FAM120C: variants seen among roughly 807,000 people sequenced by gnomAD.
FAM120C encodes constitutive coactivator of PPAR-gamma-like protein 2.
A neutral mutation model predicts 71.2 loss-of-function variants in FAM120C; 14 were observed. That is an observed-to-expected ratio of 0.20 (90% CI 0.13 to 0.31). The LOEUF (loss-of-function observed/expected upper bound fraction) is 0.31. FAM120C is among the 10% of genes least tolerant of loss of function. The pLI, the probability that FAM120C is intolerant of heterozygous loss-of-function variation, is 1.00. For synonymous variants in FAM120C, 354 were observed against 353.2 expected (o/e 1.00, Z -0.03); for missense variants, 500 against 879.0 (o/e 0.57, Z 5.45).
At position 54,115,806 on chromosome X, in the gene FAM120C, C is replaced by T. The variant is rs782596135; in HGVS notation, c.2312+739G>A. 9.9e-5 allele frequency among the ~76,000 whole-genome samples: 11 copies of T among 111,608 alleles called. No homozygotes were observed. In the South Asian group the frequency reaches 4.1e-3, roughly 42 times the overall value. ...TATTGAGTGAAAAAAAGAAACAGGC[C>T]GGGCGGGGTGGCTCATGCCTGTAAT... On this transcript the variant is annotated intron_variant, in intron 10 of 15. Transcript: ENST00000375180.
intron 1 of FAM120C, among the ~76,000 whole-genome samples, chrX:54,171,290 A>G (rs2067286648): frequency 9.0e-6 from 1 of 111,110 alleles, no homozygotes; most frequent in Admixed American, 9.6e-5. Flanking sequence ...ACATGCCAGT[A>G]GTCCTAGCTA....
Position 54,068,349 on chromosome X carries a change from A to G in FAM120C, c.*4684T>C, listed in dbSNP as rs1355778583. 1.8e-5 allele frequency: 2 copies of G among 112,134 alleles called. No homozygotes were observed. Among genetic ancestry groups the G allele is most frequent in the African/African-American group, 6.5e-5 (2 of 30,936 alleles). 9.2% of individuals were successfully genotyped at this position (112,134 alleles called of 1,213,427 possible). A position where few individuals can be genotyped will look rare whatever the true frequency, so the allele number is the denominator to read the frequency against. Reference sequence around the variant, plus strand: ...TTATTTCACAATTTTTTTTACTAAAAGAATAGATTTTTATTAAGCGTTGTA... The same window carrying G: ...TTATTTCACAATTTTTTTTACTAAAGGAATAGATTTTTATTAAGCGTTGTA... On this transcript the variant is annotated 3_prime_UTR_variant, in exon 16 of 16. Transcript: ENST00000375180.
At chrX:54,117,660 C>T (rs1484698347) in intron 9 of FAM120C, among the ~76,000 whole-genome samples, 7 of 106,040 alleles carry the variant, frequency 6.6e-5, no homozygotes, top group African/African-American at 1.4e-4. Context: ...ATCAAGTCAC[C>T]GCACTGCAGC....
At chrX:54,146,161 G>C (rs1557132353) in intron 4 of FAM120C, among the ~76,000 whole-genome samples, 1 of 109,318 alleles carries the variant, frequency 9.1e-6, no homozygotes, top group Non-Finnish European at 1.9e-5. Flanking sequence ...CTCTCGTGGG[G>C]TGGGGGAAGG....
chrX:54,084,714 C>A (rs1275565965), intron 13 of FAM120C, among the ~76,000 whole-genome samples: 2 of 92,361 alleles, frequency 2.2e-5, no homozygotes, highest in African/African-American at 8.0e-5. Flanking sequence ...GACCAGGCCT[C>A]AAAAAAAAAA....
chrX:54,126,106 T>C (rs1230988241), intron 9 of FAM120C, among the ~76,000 whole-genome samples: 1 of 112,086 alleles, frequency 8.9e-6, no homozygotes, highest in Non-Finnish European at 1.9e-5. Context: ...AGTTTTGTTG[T>C]AGATTCCTTG....
At chrX:54,176,104 C>G (rs144168459) in intron 1 of FAM120C, among the ~76,000 whole-genome samples, 1 of 111,419 alleles carries the variant, frequency 9.0e-6, no homozygotes, top group Non-Finnish European at 1.9e-5. Context: ...CTACACTGAG[C>G]CTGTTTTTTT....
intron 1 of FAM120C, among the ~76,000 whole-genome samples, chrX:54,180,675 CAT>C (rs1361351751): frequency 1.8e-5 from 2 of 111,980 alleles, no homozygotes; most frequent in Non-Finnish European, 3.8e-5. Flanking sequence ...AGGAAGACCA[CAT>C]AGGCACAAAT....
intron 15 of FAM120C, among the ~76,000 whole-genome samples, chrX:54,074,435 T>C (rs782337675): frequency 8.9e-6 from 1 of 112,908 alleles, no homozygotes; most frequent in East Asian, 2.8e-4. Context: ...CTTTTCTTTT[T>C]GAGACAGAGT....
At chrX:54,172,907 T>C (rs1394095981) in intron 1 of FAM120C, among the ~76,000 whole-genome samples, 1 of 112,492 alleles carries the variant, frequency 8.9e-6, no homozygotes, top group African/African-American at 3.2e-5. Context: ...ATGGAGTTTT[T>C]AATCTGTTGT....
intron 1 of FAM120C, among the ~76,000 whole-genome samples, chrX:54,161,912 G>A (rs908100859): frequency 8.9e-5 from 10 of 112,794 alleles, no homozygotes; most frequent in African/African-American, 3.2e-5. Context: ...GATTACAGGC[G>A]TGAGCCACTG....
At chrX:54,081,568 T>A (rs2066765354) in intron 13 of FAM120C, 108 bp from the exon 14 acceptor site, 1 of 844,090 alleles carries the variant, frequency 1.2e-6, no homozygotes, top group Admixed American at 3.5e-5. Context: ...AGTCAGGAGT[T>A]CCAGAGCCAG....
At position 54,073,128 on chromosome X, in the gene FAM120C, T is replaced by G. The variant is rs781941323; in HGVS notation, c.3196A>C (p.Asn1066His). 5.0e-6 allele frequency: 6 copies of G among 1,209,664 alleles called. No homozygotes were observed. Among genetic ancestry groups the G allele is most frequent in the East Asian group, 5.9e-5 (2 of 33,760 alleles). Reference protein sequence around the residue: ...CALSRDSNECNNGNRYLPMNN... With the variant: ...CALSRDSNECHNGNRYLPMNN... Reference sequence around the variant, plus strand: ...ATAGGGAGGTAGCGGTTACCATTATTACACTCATTGCTGTCTCTGGATAAG... The same window carrying G: ...ATAGGGAGGTAGCGGTTACCATTATGACACTCATTGCTGTCTCTGGATAAG... Residue 1066 changes from asparagine (N) to histidine (H), a missense_variant, in exon 16 of 16, where the codon AAT becomes CAT. Physicochemically the swap from Asn to His is moderately conservative, Grantham distance 68. Coordinates refer to ENST00000375180, the MANE Select transcript of FAM120C (RefSeq NM_017848.6).
chrX:54,129,244 G>A (rs1433268243), intron 9 of FAM120C, among the ~76,000 whole-genome samples: 2 of 108,602 alleles, frequency 1.8e-5, no homozygotes, highest in African/African-American at 6.7e-5. Flanking sequence ...GCCGGGCGGA[G>A]GGGCTCCTCA....
intron 1 of FAM120C, among the ~76,000 whole-genome samples, chrX:54,168,841 ACT>A (rs1303818005): frequency 8.9e-6 from 1 of 111,927 alleles, no homozygotes; most frequent in Admixed American, 9.5e-5. Context: ...TATCCTTCTA[ACT>A]CTGTAAAATG....
chrX:54,117,497 C>G (rs782428570), intron 9 of FAM120C, among the ~76,000 whole-genome samples: 1 of 107,004 alleles, frequency 9.3e-6, no homozygotes, highest in African/African-American at 3.4e-5. Flanking sequence ...GAGTTCAAGA[C>G]CAGCCTGGCC....
rs2066716456 is a variant in FAM120C at position 54,072,685 on chromosome X, G to T, written c.*348C>A. 2 of 148,475 alleles carry T rather than the reference G, an allele frequency of 1.3e-5. No homozygotes were observed. Among genetic ancestry groups the T allele is most frequent in the Non-Finnish European group, 2.6e-5 (2 of 77,726 alleles). 12.2% of individuals were successfully genotyped at this position (148,475 alleles called of 1,213,427 possible). A position where few individuals can be genotyped will look rare whatever the true frequency, so the allele number is the denominator to read the frequency against. Reference sequence around the variant, plus strand: ...TAAATGCTCAGAAAAACCAAAGCTAGAGCTTTTCTATAGGACCTTATGTGA... The same window carrying T: ...TAAATGCTCAGAAAAACCAAAGCTATAGCTTTTCTATAGGACCTTATGTGA... On this transcript the variant is annotated 3_prime_UTR_variant, in exon 16 of 16. Coordinates refer to ENST00000375180, the MANE Select transcript of FAM120C (RefSeq NM_017848.6).
chrX:54,100,678 A>C (rs1039869281), intron 10 of FAM120C, among the ~76,000 whole-genome samples: 5 of 111,736 alleles, frequency 4.5e-5, no homozygotes, highest in Non-Finnish European at 9.4e-5. Context: ...CAAACAAAAA[A>C]CACACACATA....
chrX:54,100,656 AAAAC>A (rs782439578), intron 10 of FAM120C, among the ~76,000 whole-genome samples: 137 of 111,900 alleles, frequency 1.2e-3, no homozygotes, highest in Non-Finnish European at 2.3e-3. Context: ...ACTCTGTCTT[AAAAC>A]AAACAAACAA....
Sources: gnomAD v4.1 joint callset for allele counts (sites outside exome capture counted in the v4.1 genomes callset) on GRCh38, gnomAD v4.1.1 for gene constraint, MANE v1.5 for transcripts, NCBI Gene and HGNC (gene_info 2026-07-23, HGNC 2026-07-21) for gene names.